Variants in CLVS1 observed in about 807,000 individuals in gnomAD.
The protein encoded by CLVS1 is clavesin 1.
CLVS1 carries 10 observed loss-of-function variants against 33.1 expected under a neutral mutation model. The ratio of observed to expected loss-of-function variants is 0.30; its 90% CI spans 0.19 to 0.51. The LOEUF (loss-of-function observed/expected upper bound fraction) is 0.51, where lower values mean the gene tolerates loss of function less well. Ranked by LOEUF, CLVS1 falls within the 20% of genes least tolerant of loss-of-function variation. The pLI is 0.97. For synonymous variants in CLVS1, 163 were observed against 166.1 expected, an observed-to-expected ratio of 0.98 and a Z score of 0.14; for missense variants, 343 against 433.4, an observed-to-expected ratio of 0.79 and a Z score of 1.85.
intron 2 of CLVS1, among the ~76,000 whole-genome samples, chr8:61,316,937 G>T (rs981722560): frequency 6.6e-6 from 1 of 152,130 alleles, no homozygotes; most frequent in African/African-American, 2.4e-5. Context: ...AATTAAAGGA[G>T]CTAATACAAG....
chr8:61,127,574 AAC>A (rs1311730561), intron 1 of CLVS1, among the ~76,000 whole-genome samples: 1 of 152,200 alleles, frequency 6.6e-6, no homozygotes, highest in African/African-American at 2.4e-5. Context: ...GGGGAAAAAC[AAC>A]ATAATTTTAT....
At chr8:61,139,526 C>T (rs903101424) in intron 2 of CLVS1, among the ~76,000 whole-genome samples, 1 of 152,134 alleles carries the variant, frequency 6.6e-6, no homozygotes, top group South Asian at 2.1e-4. Flanking sequence ...CTGCCAGCAG[C>T]GGGAGGGGCG....
chr8:60,988,951 A>C, the CLVS1 span, among the ~76,000 whole-genome samples: 1 of 152,108 alleles, frequency 6.6e-6, no homozygotes, highest in African/African-American at 2.4e-5. Context: ...CACAGCCTTG[A>C]TCTCCCAGCC....
intron 2 of CLVS1, among the ~76,000 whole-genome samples, chr8:61,184,579 T>A (rs1464862476): frequency 6.6e-6 from 1 of 152,194 alleles, no homozygotes; most frequent in Non-Finnish European, 1.5e-5. Flanking sequence ...GGCACTAGAC[T>A]GTCTTCACTG....
the CLVS1 span, among the ~76,000 whole-genome samples, chr8:61,003,035 G>T: frequency 2.0e-5 from 3 of 152,178 alleles, no homozygotes; most frequent in African/African-American, 7.2e-5. Context: ...GCTCTCTGCA[G>T]CTCAGAGGTA....
intron 2 of CLVS1, among the ~76,000 whole-genome samples, chr8:61,279,111 A>G (rs944984245): frequency 6.6e-6 from 1 of 152,206 alleles, no homozygotes; most frequent in Admixed American, 6.5e-5. Flanking sequence ...CTTTTGAGGT[A>G]TGAATGGAAA....
chr8:61,215,443 A>G (rs1808062806), intron 2 of CLVS1, among the ~76,000 whole-genome samples: 1 of 152,170 alleles, frequency 6.6e-6, no homozygotes, highest in South Asian at 2.1e-4. Flanking sequence ...TTGATAGCCT[A>G]TGAATTCAAG....
At chr8:61,292,611 C>T (rs1810035273) in intron 1 of CLVS1, among the ~76,000 whole-genome samples, 1 of 152,164 alleles carries the variant, frequency 6.6e-6, no homozygotes, top group Non-Finnish European at 1.5e-5. Flanking sequence ...CTAGGAAGCA[C>T]AACTAATCTG....
intron 2 of CLVS1, among the ~76,000 whole-genome samples, chr8:61,352,052 T>C (rs1052742901): frequency 1.3e-5 from 2 of 151,940 alleles, no homozygotes; most frequent in African/African-American, 4.8e-5. Flanking sequence ...ATCTCATGAG[T>C]TTTATAAATC....
At chr8:61,026,963 G>A in the CLVS1 span, among the ~76,000 whole-genome samples, 5 of 151,864 alleles carry the variant, frequency 3.3e-5, no homozygotes, top group Admixed American at 2.0e-4. Context: ...TGAAACTTGC[G>A]TGATTAGTCT....
At chr8:60,967,558 G>T in the CLVS1 span, 2 of 445,268 alleles carry the variant, frequency 4.5e-6, no homozygotes, top group African/African-American at 4.0e-5. Context: ...GAAGCAGGGT[G>T]CAGTGCATAC....
At chr8:61,275,822 C>T (rs1053673072) in intron 2 of CLVS1, among the ~76,000 whole-genome samples, 23 of 152,216 alleles carry the variant, frequency 1.5e-4, no homozygotes, top group African/African-American at 4.3e-4. Flanking sequence ...CCACTGAATT[C>T]AAATAAATAA....
At chr8:61,380,442 G>T (rs1456544892) in intron 3 of CLVS1, among the ~76,000 whole-genome samples, 1 of 152,082 alleles carries the variant, frequency 6.6e-6, no homozygotes, top group Non-Finnish European at 1.5e-5. Flanking sequence ...AATCGTGTAT[G>T]TATTATAAAT....
At chr8:61,467,522 G>A (rs895196986) in intron 5 of CLVS1, among the ~76,000 whole-genome samples, 8 of 152,176 alleles carry the variant, frequency 5.3e-5, no homozygotes, top group Non-Finnish European at 5.9e-5. Context: ...TTCCAGGAAT[G>A]AGAAGTGTGT....
At chr8:61,093,845 AC>A (rs1406107289) in intron 1 of CLVS1, among the ~76,000 whole-genome samples, 1 of 152,240 alleles carries the variant, frequency 6.6e-6, no homozygotes, top group Non-Finnish European at 1.5e-5. Context: ...AGGTGTCACA[AC>A]TACTATGGTG....
intron 2 of CLVS1, among the ~76,000 whole-genome samples, chr8:61,329,911 G>A (rs573540273): frequency 6.6e-6 from 1 of 152,216 alleles, no homozygotes; most frequent in Non-Finnish European, 1.5e-5. Context: ...TGGGGGACAA[G>A]GGCCCCTTGT....
Position 61,350,377 on chromosome 8 carries a change from A to G in CLVS1, c.456-26228A>G, listed in dbSNP as rs546674826. 3.3e-5 allele frequency among the ~76,000 whole-genome samples: 5 copies of G among 152,134 alleles called. No individual in the cohort carries two copies. In the South Asian group the frequency reaches 8.3e-4, roughly 25 times the overall value. On this transcript the variant is annotated intron_variant, in intron 2 of 5. Transcript: ENST00000325897. ...TTTCTTCAATTCTCTCTATCTCCCA[A>G]GTGAGCTATTTCTCTTACAACTCTT...
chr8:60,992,554 C>T, the CLVS1 span, among the ~76,000 whole-genome samples: 3 of 152,150 alleles, frequency 2.0e-5, no homozygotes, highest in Non-Finnish European at 4.4e-5. Context: ...AACATTTGTA[C>T]TGGAGAGAAA....
chr8:61,114,582 C>T (rs1372464943), intron 1 of CLVS1, among the ~76,000 whole-genome samples: 2 of 152,206 alleles, frequency 1.3e-5, no homozygotes, highest in Admixed American at 1.3e-4. Context: ...TGCTACACTA[C>T]ATTTCTTCCC....
Sources: allele counts gnomAD v4.1 joint callset (sites outside exome capture counted in the v4.1 genomes callset), GRCh38; gene constraint gnomAD v4.1.1; transcripts MANE v1.5; gene names NCBI Gene and HGNC (gene_info 2026-07-23, HGNC 2026-07-21).